LY6L: variants seen among roughly 807,000 people sequenced by gnomAD.
LY6L encodes lymphocyte antigen 6 family member L, also known as lymphocyte antigen 6L.
LY6L carries 8 observed loss-of-function variants against 8.3 expected under a neutral mutation model. The observed-to-expected ratio is 0.97, with a 90% CI of 0.57 to 1.74. The LOEUF is 1.74. Ranked by LOEUF, LY6L falls within the 40% of genes most tolerant of loss-of-function variation. LY6L has a pLI of 0.00. For missense variants in LY6L, 156 were observed against 183.8 expected, an observed-to-expected ratio of 0.85 and a Z score of 0.87; for synonymous variants, 79 against 77.9, an observed-to-expected ratio of 1.01 and a Z score of -0.07.
At position 143,083,303 on chromosome 8, in the gene LY6L, C is replaced by A. The variant is rs1820468157; in HGVS notation, c.*652C>A. ...GAGGCCCCTTGCCCTGAATGCTGTC[C>A]AGGACCCTTCGAGGGGCAGAAGAAC... is the stretch of plus-strand genomic sequence containing the variant. On this transcript the variant is annotated 3_prime_UTR_variant, in exon 4 of 4. Coordinates refer to ENST00000562505, the MANE Select transcript of LY6L (RefSeq NM_001368160.2). 6.6e-6 allele frequency among the ~76,000 whole-genome samples: 1 copy of A among 152,164 alleles called. No individual in the cohort carries two copies. Among genetic ancestry groups the A allele is most frequent in the Non-Finnish European group, 1.5e-5 (1 of 68,022 alleles).
Position 143,081,065 on chromosome 8 carries a change from C to T in LY6L, c.12C>T (p.Leu4=), listed in dbSNP as rs1470439188. 1.4e-5 allele frequency: 21 copies of T among 1,534,458 alleles called. No individual in the cohort carries two copies. The highest frequency in any genetic ancestry group is 1.8e-5 in the Non-Finnish European group (21 of 1,145,978). Residue 4 remains leucine (L), a synonymous_variant, in exon 2 of 4, where the codon CTC becomes CTT. Coordinates refer to ENST00000562505, the MANE Select transcript of LY6L (RefSeq NM_001368160.2). MER[L]VLTLCTLPLA... ...AGCCTTCTGGCGTCATGGAGAGGCT[C>T]GTCCTAACCCTGTGCACCCTCCCGC...
At position 143,082,693 on chromosome 8, in the gene LY6L, C is replaced by T. The variant is rs1273192394; in HGVS notation, c.*42C>T. 61 of 1,390,416 alleles carry T rather than the reference C, an allele frequency of 4.4e-5. No individual in the cohort carries two copies. Among genetic ancestry groups the T allele is most frequent in the Non-Finnish European group, 5.8e-5 (61 of 1,058,760 alleles). The allele number at this position is 1,390,416 out of a possible 1,614,324, so 86.1% of individuals were successfully genotyped here. A position where few individuals can be genotyped will look rare whatever the true frequency, so the allele number is the denominator to read the frequency against. On this transcript the variant is annotated 3_prime_UTR_variant, in exon 4 of 4. Coordinates refer to ENST00000562505, the MANE Select transcript of LY6L (RefSeq NM_001368160.2). ...CCCCCTCCTGGCCCTGCTGGCCCAT[C>T]CCGTCTCCTGCCTCCAACTGCCATC...
chr8:143,081,306 A>G lies in LY6L; in HGVS notation c.169A>G (p.Asn57Asp), dbSNP rs1820425651. The G allele has an allele frequency of 6.5e-7, 1 of 1,530,846 alleles. No homozygotes were observed. The highest frequency in any genetic ancestry group is 2.0e-5 in the Admixed American group (1 of 50,668). 94.8% of individuals were successfully genotyped at this position (1,530,846 alleles called of 1,614,324 possible). The change falls in exon 3 of 4, where the codon AAC becomes GAC. Residue 57 changes from asparagine to aspartate, a missense_variant. Asn to Asp is a conservative substitution (Grantham distance 23). Coordinates refer to ENST00000562505, the MANE Select transcript of LY6L (RefSeq NM_001368160.2). Reference sequence around the variant, plus strand: ...CCCGCTGGACCAAGTCTGCATCTCCAACGAGGTGGTCGTCTCTTTTAGTGA... The same window carrying G: ...CCCGCTGGACCAAGTCTGCATCTCCGACGAGGTGGTCGTCTCTTTTAGTGA... ...CSPLDQVCIS[N>D]EVVVSFKWSV...
In LY6L at chr8:143,082,655, C is replaced by A; in HGVS notation, c.*4C>A. ...CCTCCTCAGGGCCCTGTTGTGAGGG[C>A]CCTCCCTTTACGCCCCCTCCTGGCC... On this transcript the variant is annotated 3_prime_UTR_variant, in exon 4 of 4. Transcript: ENST00000562505. The A allele has an allele frequency of 6.8e-7, 1 of 1,471,368 alleles. No individual in the cohort carries two copies. 91.1% of individuals were successfully genotyped at this position (1,471,368 alleles called of 1,614,324 possible).
chr8:143,081,377 G>C, intron 3 of LY6L, 50 bp downstream of exon 3: 1 of 1,220,492 alleles, frequency 8.2e-7, no homozygotes, highest in Non-Finnish European at 1.1e-6. Flanking sequence ...GGGAAGGGCC[G>C]GTGCCCCCGC....
In LY6L at chr8:143,082,560, A is replaced by G. The variant is rs1225823225; in HGVS notation, c.326A>G (p.Asn109Ser). The G allele has an allele frequency of 3.9e-6, 6 of 1,535,238 alleles. No individual in the cohort carries two copies. In the East Asian group the frequency reaches 7.3e-5, roughly 19 times the overall value. The part of the protein sequence containing the change: ...TRRCCSWALC[N>S]RALTPQEGRW... ...CGCTGCTGTTCCTGGGCTCTCTGCA[A>G]CAGGGCACTGACCCCACAGGAGGGG... Residue 109 changes from asparagine to serine, a missense_variant, in exon 4 of 4, where the codon AAC becomes AGC. Asn to Ser is a conservative substitution (Grantham distance 46). Coordinates refer to ENST00000562505, the MANE Select transcript of LY6L (RefSeq NM_001368160.2).
At chr8:143,082,233 G>C (rs1305430056) in intron 3 of LY6L, among the ~76,000 whole-genome samples, 192 bp from the exon 4 acceptor site, 1 of 152,236 alleles carries the variant, frequency 6.6e-6, no homozygotes, top group Admixed American at 6.5e-5. Flanking sequence ...AGGATCCCCA[G>C]CTCTGCAGCG....
chr8:143,081,336 C>A lies in LY6L; in HGVS notation c.190+9C>A, dbSNP rs990497900. 1.3e-6 allele frequency: 2 copies of A among 1,487,174 alleles called. No homozygotes were observed. Among genetic ancestry groups the A allele is most frequent in the Admixed American group, 2.1e-5 (1 of 47,618 alleles). 92.1% of individuals were successfully genotyped at this position (1,487,174 alleles called of 1,614,324 possible). A position where few individuals can be genotyped will look rare whatever the true frequency, so the allele number is the denominator to read the frequency against. On this transcript the variant is annotated intron_variant, in intron 3 of 3. Coordinates refer to ENST00000562505, the MANE Select transcript of LY6L (RefSeq NM_001368160.2). ...GGTGGTCGTCTCTTTTAGTGAGTCC[C>A]CCCCGGGCAGAGGGCAGGTGCCAGG...
Position 143,081,606 on chromosome 8 carries a change from T to G in LY6L, c.190+279T>G, listed in dbSNP as rs115901597. Among the ~76,000 whole-genome samples, 938 of 152,210 alleles carry G rather than the reference T, an allele frequency of 6.2e-3. 9 individuals carry two copies. The highest frequency in any genetic ancestry group is 0.022 in the African/African-American group (908 of 41,552). ...TACAAAGACAGCAGGAACACACGGG[T>G]GGGGATGGGCAGCTGTTCGAGGCGA... On this transcript the variant is annotated intron_variant, in intron 3 of 3. Coordinates refer to ENST00000562505, the MANE Select transcript of LY6L (RefSeq NM_001368160.2).
rs1197323117 is a variant in LY6L, at chr8:143,081,118, C to A, written c.65C>A (p.Thr22Lys). The A allele has an allele frequency of 6.5e-7, 1 of 1,534,720 alleles. No individual in the cohort carries two copies. Among genetic ancestry groups the A allele is most frequent in the Admixed American group, 2.0e-5 (1 of 50,964 alleles). ...GCTGTGGCGTCTGCTGGCTGCGCCA[C>A]GACGCCAGGTAAGGCGCGGCCCGGG... Reference protein sequence around the residue: ...PLAVASAGCATTPARNLSCYQ... With the variant: ...PLAVASAGCAKTPARNLSCYQ... Residue 22 changes from threonine (T) to lysine (K), a missense_variant, in exon 2 of 4, where the codon ACG (threonine) becomes AAG (lysine). Thr to Lys is a moderately conservative substitution (Grantham distance 78). Transcript: ENST00000562505.
intron 3 of LY6L, among the ~76,000 whole-genome samples, chr8:143,081,926 A>T (rs986845119): frequency 6.6e-6 from 1 of 152,210 alleles, no homozygotes; most frequent in East Asian, 1.9e-4. Context: ...GATGCTGTGC[A>T]TCTCTTCAGG....
rs892460760 is a variant in LY6L, at chr8:143,082,147, G to C, written c.191-278G>C. 5.3e-5 allele frequency among the ~76,000 whole-genome samples: 8 copies of C among 152,330 alleles called. No individual in the cohort carries two copies. The East Asian group carries it at 1.5e-3, about 29-fold the overall frequency. On this transcript the variant is annotated intron_variant, in intron 3 of 3. Coordinates refer to ENST00000562505, the MANE Select transcript of LY6L (RefSeq NM_001368160.2). ...GGTGGTCCAGGCTGTGCATGGCTTC[G>C]GGAGAAGGCCCCTTACAGCCAGTTG...
At position 143,082,797 on chromosome 8, in the gene LY6L, C is replaced by T; in HGVS notation, c.*146C>T. 1.5e-6 allele frequency: 1 copy of T among 667,844 alleles called. No homozygotes were observed. Among genetic ancestry groups the T allele is most frequent in the Admixed American group, 3.2e-5 (1 of 31,104 alleles). 41.4% of individuals were successfully genotyped at this position (667,844 alleles called of 1,614,324 possible). A position where few individuals can be genotyped will look rare whatever the true frequency, so the allele number is the denominator to read the frequency against. On this transcript the variant is annotated 3_prime_UTR_variant, in exon 4 of 4. Coordinates refer to ENST00000562505, the MANE Select transcript of LY6L (RefSeq NM_001368160.2). ...TGGGGAGGGTGCCATTGCCTCCATC[C>T]CGGATCTAGCCACCTCACTCCTCCC...
intron 2 of LY6L, 40 bp from the exon 3 acceptor site, chr8:143,081,171 T>C: frequency 6.5e-7 from 1 of 1,527,690 alleles, no homozygotes; most frequent in Non-Finnish European, 8.8e-7. Flanking sequence ...GGGCTGGAGC[T>C]GCGGACGCTG....
At position 143,081,330 on chromosome 8, in the gene LY6L, G is replaced by A; in HGVS notation, c.190+3G>A. 1 of 1,509,464 alleles carries A rather than the reference G, an allele frequency of 6.6e-7. No homozygotes were observed. Among genetic ancestry groups the A allele is most frequent in the African/African-American group, 1.4e-5 (1 of 72,434 alleles). The allele number at this position is 1,509,464 out of a possible 1,614,324, so 93.5% of individuals were successfully genotyped here. ...CAACGAGGTGGTCGTCTCTTTTAGT[G>A]AGTCCCCCCCGGGCAGAGGGCAGGT... On this transcript the variant is annotated splice_donor_region_variant and intron_variant, in intron 3 of 3. Transcript: ENST00000562505.
Position 143,080,658 on chromosome 8 carries a change from A to C in LY6L, c.-20A>C. 2.2e-5 allele frequency: 4 copies of C among 177,922 alleles called. No homozygotes were observed. The highest frequency in any genetic ancestry group is 4.7e-5 in the Non-Finnish European group (4 of 85,420). The allele number at this position is 177,922 out of a possible 1,614,324, so 11.0% of individuals were successfully genotyped here. ...GATCCCTGCAGCCCGGCAGGAGAGA[A>C]GGTGCTGGGAGAGGGGTCCGGACTG... On this transcript the variant is annotated splice_region_variant and 5_prime_UTR_variant, in exon 1 of 4. Coordinates refer to ENST00000562505, the MANE Select transcript of LY6L (RefSeq NM_001368160.2).
Position 143,082,906 on chromosome 8 carries a change from T to A in LY6L, c.*255T>A, listed in dbSNP as rs1820456944. On this transcript the variant is annotated 3_prime_UTR_variant, in exon 4 of 4. Transcript: ENST00000562505. Reference sequence around the variant, plus strand: ...AGGACAGTGCCTCTGATGTGGGTGATGGGAAGGACGGTGCCTCTGATGTGG... The same window carrying A: ...AGGACAGTGCCTCTGATGTGGGTGAAGGGAAGGACGGTGCCTCTGATGTGG... The A allele has an allele frequency of 2.1e-6, 1 of 470,910 alleles. No individual in the cohort carries two copies. Among genetic ancestry groups the A allele is most frequent in the African/African-American group, 2.0e-5 (1 of 50,426 alleles). The allele number at this position is 470,910 out of a possible 1,614,324, so 29.2% of individuals were successfully genotyped here. A position where few individuals can be genotyped will look rare whatever the true frequency, so the allele number is the denominator to read the frequency against.
In LY6L at chr8:143,082,804, T is replaced by C; in HGVS notation, c.*153T>C. The C allele has an allele frequency of 1.6e-6, 1 of 637,582 alleles. No individual in the cohort carries two copies. Among genetic ancestry groups the C allele is most frequent in the Non-Finnish European group, 2.5e-6 (1 of 394,696 alleles). The allele number at this position is 637,582 out of a possible 1,614,324, so 39.5% of individuals were successfully genotyped here. A position where few individuals can be genotyped will look rare whatever the true frequency, so the allele number is the denominator to read the frequency against. The stretch of plus-strand genomic sequence containing the variant: ...GGTGCCATTGCCTCCATCCCGGATC[T>C]AGCCACCTCACTCCTCCCCACCGGG... On this transcript the variant is annotated 3_prime_UTR_variant, in exon 4 of 4. Transcript: ENST00000562505.
intron 1 of LY6L, 119 bp from the exon 2 acceptor site, chr8:143,080,917 G>C: frequency 1.4e-6 from 1 of 694,304 alleles, no homozygotes; most frequent in Non-Finnish European, 2.3e-6. Flanking sequence ...GTCCGGGAGC[G>C]CAGGAGGCTA....
Sources: allele counts gnomAD v4.1 joint callset (sites outside exome capture counted in the v4.1 genomes callset), GRCh38; gene constraint gnomAD v4.1.1; transcripts MANE v1.5; gene names NCBI Gene and HGNC (gene_info 2026-07-23, HGNC 2026-07-21).